FADS1: variants seen among roughly 807,000 people sequenced by gnomAD.
FADS1 encodes the protein acyl-CoA (8-3)-desaturase.
In FADS1, 17 loss-of-function variants were observed where a neutral mutation model predicts 61.6. The observed-to-expected ratio is 0.28, with a 90% CI of 0.19 to 0.41. The LOEUF is 0.41. Among genes scored for constraint, FADS1 ranks in the 10% least tolerant of loss-of-function variants. The pLI, the probability that FADS1 is intolerant of heterozygous loss-of-function variation, is 1.00. For missense variants in FADS1, 387 were observed against 650.9 expected (o/e 0.59, Z 4.41); for synonymous variants, 238 against 258.7 (o/e 0.92, Z 0.77).
At chr11:61,804,107 T>C (rs2066877242) in intron 7 of FADS1, 2 of 330,648 alleles carry the variant, frequency 6.0e-6, no homozygotes, top group Non-Finnish European at 1.1e-5. Flanking sequence ...TGATCAAATC[T>C]CTCATCACTG....
intron 3 of FADS1, chr11:61,812,023 G>A (rs1427490898): frequency 3.1e-6 from 1 of 323,904 alleles, no homozygotes; most frequent in African/African-American, 2.2e-5. Context: ...TGAAGCTCAT[G>A]ACTTATGATG....
At chr11:61,804,616 G>A in intron 7 of FADS1, 69 bp downstream of exon 7, 1 of 1,327,134 alleles carries the variant, frequency 7.5e-7, no homozygotes, top group South Asian at 1.2e-5. Context: ...GTTTCCCCTG[G>A]GGAACCCCTA....
In FADS1 at chr11:61,811,046, A is replaced by G. The variant is rs2066927589; in HGVS notation, c.714T>C (p.Phe238=). ...AGGTGCTGAAGACCGACAGGTGCCC[A>G]AAGTCATGCTGCAGCCAGCCAGCCT... is the stretch of plus-strand genomic sequence containing the variant. The part of the protein sequence containing the change: ...QAQAGWLQHD[F]GHLSVFSTSK... Residue 238 remains phenylalanine (F), a synonymous_variant, in exon 4 of 12, where the codon TTT becomes TTC. Coordinates refer to ENST00000350997, the MANE Select transcript of FADS1 (RefSeq NM_013402.7). 6.2e-7 allele frequency: 1 copy of G among 1,613,808 alleles called. No homozygotes were observed. The highest frequency in any genetic ancestry group is 1.7e-5 in the Admixed American group (1 of 60,006).
rs752258782 is a variant in FADS1, at chr11:61,802,182, C to T, written c.*229G>A. The T allele has an allele frequency of 9.4e-5, 53 of 565,686 alleles. No homozygotes were observed. The highest frequency in any genetic ancestry group is 1.4e-4 in the Non-Finnish European group (45 of 315,644). 35.0% of individuals were successfully genotyped at this position (565,686 alleles called of 1,614,324 possible). A position where few individuals can be genotyped will look rare whatever the true frequency, so the allele number is the denominator to read the frequency against. ...TAGAAAAAGGAAATAATTTACACCC[C>T]TGCCCCAACAGCTCCTTCCCTCCTA... On this transcript the variant is annotated 3_prime_UTR_variant, in exon 12 of 12. Coordinates refer to ENST00000350997, the MANE Select transcript of FADS1 (RefSeq NM_013402.7). The surrounding 1 kb of genome is among the most constrained non-coding windows in gnomAD (Gnocchi z 4.2).
chr11:61,812,542 G>C lies in FADS1; in HGVS notation c.613C>G (p.Leu205Val). 6.2e-7 allele frequency: 1 copy of C among 1,614,136 alleles called. No homozygotes were observed. The highest frequency in any genetic ancestry group is 1.1e-5 in the South Asian group (1 of 91,082). ...HILLLDGAAW[L>V]TLWVFGTSFL... is the part of the protein sequence containing the mutation. Reference sequence around the variant, plus strand: ...GACGTCCCAAAGACCCAAAGGGTGAGCCAGGCTGCACCATCCAGCAGCAAG... The same window carrying C: ...GACGTCCCAAAGACCCAAAGGGTGACCCAGGCTGCACCATCCAGCAGCAAG... The change falls in exon 3 of 12, where the codon CTC (leucine) becomes GTC (valine). Residue 205 changes from leucine (L) to valine (V), a missense_variant. By Grantham distance (32) the Leu-to-Val change is conservative (BLOSUM62 1). Around this residue, in one of 2 missense-constraint regions of FADS1, gnomAD observed 257 missense variants for 533.3 expected, o/e 0.48. Coordinates refer to ENST00000350997, the MANE Select transcript of FADS1 (RefSeq NM_013402.7).
rs1332944231 is a variant in FADS1, at chr11:61,803,858, C to T, written c.1054-91G>A. The T allele has an allele frequency of 1.1e-6, 1 of 951,776 alleles. No homozygotes were observed. The highest frequency in any genetic ancestry group is 1.7e-6 in the Non-Finnish European group (1 of 596,900). 59.0% of individuals were successfully genotyped at this position (951,776 alleles called of 1,614,324 possible). A position where few individuals can be genotyped will look rare whatever the true frequency, so the allele number is the denominator to read the frequency against. On this transcript the variant is annotated intron_variant, in intron 7 of 11. Transcript: ENST00000350997. The surrounding 1 kb of genome is among the most constrained non-coding windows in gnomAD (Gnocchi z 4.3). Reference sequence around the variant, plus strand: ...TTTGTTTGCATGGTGCAGCCATTCTCCTGGTTATCCAGACTCACTCATCTT... The same window carrying T: ...TTTGTTTGCATGGTGCAGCCATTCTTCTGGTTATCCAGACTCACTCATCTT...
intron 3 of FADS1, 146 bp downstream of exon 3, chr11:61,812,325 A>C: frequency 1.5e-6 from 1 of 667,250 alleles, no homozygotes; most frequent in Non-Finnish European, 2.6e-6. Flanking sequence ...AAGACAGCAG[A>C]ATGCATGTTC....
chr11:61,809,035 A>G (rs1047212168), intron 5 of FADS1, among the ~76,000 whole-genome samples: 5 of 152,060 alleles, frequency 3.3e-5, no homozygotes, highest in Non-Finnish European at 7.4e-5. Context: ...CACCCTTACC[A>G]TGGCTTTCTA....
intron 6 of FADS1, 69 bp from the exon 7 acceptor site, chr11:61,804,830 G>T: frequency 7.5e-7 from 1 of 1,325,248 alleles, no homozygotes; most frequent in Non-Finnish European, 1.1e-6. Flanking sequence ...AGTTGATGTT[G>T]GGAGAGATGG....
chr11:61,812,739 TC>T, intron 2 of FADS1, 71 bp from the exon 3 acceptor site: 1 of 1,435,928 alleles, frequency 7.0e-7, no homozygotes, highest in South Asian at 1.2e-5. Flanking sequence ...AAGGGCCCTC[TC>T]AGGCTCAAGG....
intron 5 of FADS1, among the ~76,000 whole-genome samples, chr11:61,809,404 G>A (rs1030685967): frequency 1.3e-5 from 2 of 152,040 alleles, no homozygotes; most frequent in Admixed American, 6.6e-5. Context: ...GTGCAGTGGC[G>A]TGATCATACT....
At position 61,816,778 on chromosome 11, in the gene FADS1, C is replaced by G. The variant is rs1019708501; in HGVS notation, c.152G>C (p.Arg51Pro). 3 of 1,519,906 alleles carry G rather than the reference C, an allele frequency of 2.0e-6. No homozygotes were observed. In the African/African-American group the frequency reaches 4.2e-5, roughly 21 times the overall value. 94.2% of individuals were successfully genotyped at this position (1,519,906 alleles called of 1,614,324 possible). A position where few individuals can be genotyped will look rare whatever the true frequency, so the allele number is the denominator to read the frequency against. ...TRLTAPAGPA[R>P]GVARPAMAPD... ...GGCCATAGCTGGCCTGGCGACGCCG[C>G]GCGCCGGGCCAGCAGGGGCTGTCAG... The change falls in exon 1 of 12, where the codon CGC becomes CCC. Residue 51 changes from arginine to proline, a missense_variant. This residue lies in a region of FADS1 where 130 missense variants were observed against 117.7 expected (regional missense o/e 1.10). Coordinates refer to ENST00000350997, the MANE Select transcript of FADS1 (RefSeq NM_013402.7). This position sits in a 1 kb window ranked among gnomAD's most constrained non-coding sequence, Gnocchi z 7.0.
In FADS1 at chr11:61,810,733, A is replaced by G; in HGVS notation, c.915+18T>C. 7 of 1,613,798 alleles carry G rather than the reference A, an allele frequency of 4.3e-6. No homozygotes were observed. The highest frequency in any genetic ancestry group is 5.9e-6 in the Non-Finnish European group (7 of 1,179,894). On this transcript the variant is annotated intron_variant, in intron 5 of 11. Coordinates refer to ENST00000350997, the MANE Select transcript of FADS1 (RefSeq NM_013402.7). ...GCCTCCTATTCCCCAAGACCTTTCC[A>G]CTGATACCTCCACGCACCTCCACAG...
At chr11:61,804,940 G>T (rs2066883193) in intron 6 of FADS1, 179 bp from the exon 7 acceptor site, 1 of 602,972 alleles carries the variant, frequency 1.7e-6, no homozygotes, top group Non-Finnish European at 2.9e-6. Flanking sequence ...ACTGAAGGTG[G>T]GCATAAATCC....
intron 5 of FADS1, 134 bp from the exon 6 acceptor site, chr11:61,806,858 A>G (rs1002462497): frequency 2.5e-6 from 2 of 786,270 alleles, no homozygotes; most frequent in Non-Finnish European, 4.5e-6. Flanking sequence ...AAGCTCCAAG[A>G]GGCCCAGCCT....
rs2066985493 is a variant in FADS1, at chr11:61,816,519, C to G, written c.375+36G>C. The G allele has an allele frequency of 2.5e-6, 4 of 1,597,068 alleles. No homozygotes were observed. Among genetic ancestry groups the G allele is most frequent in the Admixed American group, 1.7e-5 (1 of 57,544 alleles). On this transcript the variant is annotated intron_variant, in intron 1 of 11. Coordinates refer to ENST00000350997, the MANE Select transcript of FADS1 (RefSeq NM_013402.7). The surrounding 1 kb of genome is among the most constrained non-coding windows in gnomAD (Gnocchi z 7.0). The stretch of plus-strand genomic sequence containing the variant: ...TCTCCCCTGCACTCAGCCTCCGGTC[C>G]CGCCCTCTCCTGTGCCCCCGCCTGG...
chr11:61,803,741 G>A lies in FADS1; in HGVS notation c.1080C>T (p.Tyr360=), dbSNP rs758421526. Residue 360 remains tyrosine (Y), a synonymous_variant, in exon 8 of 12, where the codon TAC becomes TAT. Coordinates refer to ENST00000350997, the MANE Select transcript of FADS1 (RefSeq NM_013402.7). The surrounding 1 kb of genome is among the most constrained non-coding windows in gnomAD (Gnocchi z 4.3). The stretch of plus-strand genomic sequence containing the variant: ...GCACATAAGTGAGGAAGAAGCGGAC[G>A]TAGAAGGTAATCATCCAGGCCAAGT... ...WVDLAWMITF[Y]VRFFLTYVPL... is the part of the protein sequence containing the mutation. The A allele has an allele frequency of 1.4e-5, 22 of 1,613,788 alleles. No homozygotes were observed. Among genetic ancestry groups the A allele is most frequent in the Middle Eastern group, 1.6e-4 (1 of 6,078 alleles).
chr11:61,802,222 C>T lies in FADS1; in HGVS notation c.*189G>A, dbSNP rs992753935. On this transcript the variant is annotated 3_prime_UTR_variant, in exon 12 of 12. Coordinates refer to ENST00000350997, the MANE Select transcript of FADS1 (RefSeq NM_013402.7). The surrounding 1 kb of genome is among the most constrained non-coding windows in gnomAD (Gnocchi z 4.2). ...CTTCCCTCCTAGGGACTTCTGTGTC[C>T]ACCCCCCACTTTGGGTCTTAGAACT... 1.6e-5 allele frequency: 10 copies of T among 607,952 alleles called. No individual in the cohort carries two copies. The highest frequency in any genetic ancestry group is 1.3e-4 in the African/African-American group (7 of 54,198). The allele number at this position is 607,952 out of a possible 1,614,324, so 37.7% of individuals were successfully genotyped here.
chr11:61,803,502 C>T lies in FADS1; in HGVS notation c.1152-43G>A. On this transcript the variant is annotated intron_variant, in intron 8 of 11. Coordinates refer to ENST00000350997, the MANE Select transcript of FADS1 (RefSeq NM_013402.7). This position sits in a 1 kb window ranked among gnomAD's most constrained non-coding sequence, Gnocchi z 4.3. Reference sequence around the variant, plus strand: ...CAGACAAAAACAGTACACACAGAGCCCAGAATTCTGATTCCCCCCTCAGAT... The same window carrying T: ...CAGACAAAAACAGTACACACAGAGCTCAGAATTCTGATTCCCCCCTCAGAT... The T allele has an allele frequency of 6.5e-7, 1 of 1,539,118 alleles. No individual in the cohort carries two copies. Among genetic ancestry groups the T allele is most frequent in the South Asian group, 1.1e-5 (1 of 89,510 alleles).
Sources: gnomAD v4.1 joint callset for allele counts (sites outside exome capture counted in the v4.1 genomes callset) on GRCh38, gnomAD v4.1.1 for gene constraint, gnomAD v4.1.1 regional missense constraint, Gnocchi (gnomAD v3.1) non-coding constraint, MANE v1.5 for transcripts, NCBI Gene and HGNC (gene_info 2026-07-23, HGNC 2026-07-21) for gene names.